The following RAB22A variants were observed in gnomAD, a reference collection of about 807,000 sequenced individuals.
RAB22A encodes the protein RAB22A, member RAS oncogene family, also known as ras-related protein Rab-22A.
In RAB22A, 13 loss-of-function variants were observed where a neutral mutation model predicts 30.2. The observed-to-expected ratio is 0.43, with a 90% CI of 0.28 to 0.68. RAB22A has a LOEUF of 0.68. RAB22A is among the 30% of genes least tolerant of loss of function. The probability of loss-of-function intolerance (pLI) is 0.18; values close to 1 mark genes in which losing one functional copy is unlikely to be tolerated. For missense variants in RAB22A, 177 were observed against 246.8 expected (o/e 0.72, Z 1.89); for synonymous variants, 89 against 87.2 (o/e 1.02, Z -0.11).
In RAB22A at chr20:58,354,239, A is replaced by G; in HGVS notation, c.461A>G (p.Asn154Ser). 5 of 1,612,962 alleles carry G rather than the reference A, an allele frequency of 3.1e-6. No individual in the cohort carries two copies. The highest frequency in any genetic ancestry group is 1.7e-6 in the Non-Finnish European group (2 of 1,179,112). ...FVETSAKNAI[N>S]INELFIEISR... The stretch of plus-strand genomic sequence containing the variant: ...GAGACCAGCGCAAAAAACGCGATAA[A>G]CATAAATGAACTCTTTATAGAAATT... The change falls in exon 6 of 7, where the codon AAC (asparagine) becomes AGC (serine). Residue 154 changes from asparagine (N) to serine (S), a missense_variant. Coordinates refer to ENST00000244040, the MANE Select transcript of RAB22A (RefSeq NM_020673.3).
rs1409145293 is a variant in RAB22A at position 58,364,542 on chromosome 20, A to C, written c.*4839A>C. On this transcript the variant is annotated 3_prime_UTR_variant, in exon 7 of 7. Transcript: ENST00000244040. ...TATCATTAGTATATGGTGAAATTAA[A>C]ACCGTGGTGTCTAACAGATTTAACA... 6.6e-6 allele frequency: 1 copy of C among 152,164 alleles called. No homozygotes were observed. Among genetic ancestry groups the C allele is most frequent in the Non-Finnish European group, 1.5e-5 (1 of 68,026 alleles). 9.4% of individuals were successfully genotyped at this position (152,164 alleles called of 1,614,324 possible).
At chr20:58,313,362 G>A (rs1438388991) in intron 2 of RAB22A, among the ~76,000 whole-genome samples, 2 of 151,990 alleles carry the variant, frequency 1.3e-5, no homozygotes, top group Non-Finnish European at 2.9e-5. Context: ...TTAGAAGGTG[G>A]CTTCCTCCTT....
intron 2 of RAB22A, among the ~76,000 whole-genome samples, chr20:58,331,194 C>T (rs777967747): frequency 2.6e-5 from 4 of 152,200 alleles, no homozygotes; most frequent in Non-Finnish European, 5.9e-5. Context: ...TCTCCCCCCT[C>T]TAAATATTGG....
chr20:58,328,733 C>T (rs1986610431), intron 2 of RAB22A, among the ~76,000 whole-genome samples: 1 of 152,012 alleles, frequency 6.6e-6, no homozygotes, highest in African/African-American at 2.4e-5. Context: ...GGCTTTGATA[C>T]ACTGCTCTGG....
At chr20:58,325,439 T>C (rs1310408343) in intron 2 of RAB22A, among the ~76,000 whole-genome samples, 1 of 152,150 alleles carries the variant, frequency 6.6e-6, no homozygotes, top group East Asian at 1.9e-4. Flanking sequence ...ATGGCGCCAC[T>C]GCACTGCAGC....
intron 2 of RAB22A, among the ~76,000 whole-genome samples, chr20:58,335,080 T>TA (rs1212263709): frequency 2.6e-5 from 4 of 152,148 alleles, no homozygotes; most frequent in Admixed American, 6.5e-5. Flanking sequence ...CATCTGGCAA[T>TA]AAAAAAACAC....
intron 6 of RAB22A, among the ~76,000 whole-genome samples, chr20:58,354,615 T>A (rs1276874810): frequency 6.6e-6 from 1 of 152,210 alleles, no homozygotes; most frequent in Admixed American, 6.5e-5. Context: ...GCAGGTATAC[T>A]TGCACGGTAA....
intron 2 of RAB22A, among the ~76,000 whole-genome samples, chr20:58,314,006 A>C (rs1240777854): frequency 6.6e-6 from 1 of 152,080 alleles, no homozygotes; most frequent in Non-Finnish European, 1.5e-5. Flanking sequence ...CCTTACCTAC[A>C]AGAAGCTACA....
chr20:58,354,934 T>C (rs189283225), intron 6 of RAB22A, among the ~76,000 whole-genome samples: 23 of 152,344 alleles, frequency 1.5e-4, no homozygotes, highest in Non-Finnish European at 2.9e-4. Flanking sequence ...TAGGATCATT[T>C]CAGATCATAA....
At chr20:58,332,822 T>C (rs1466016463) in intron 2 of RAB22A, among the ~76,000 whole-genome samples, 1 of 151,982 alleles carries the variant, frequency 6.6e-6, no homozygotes, top group Non-Finnish European at 1.5e-5. Flanking sequence ...ATAGTCAAAC[T>C]GCTGATAACC....
At chr20:58,312,111 A>G (rs1473662319) in intron 2 of RAB22A, among the ~76,000 whole-genome samples, 1 of 151,918 alleles carries the variant, frequency 6.6e-6, no homozygotes, top group Non-Finnish European at 1.5e-5. Context: ...GCCCACCACC[A>G]TGCCCAGCTA....
chr20:58,353,307 C>T lies in RAB22A; in HGVS notation c.233C>T (p.Ser78Leu), dbSNP rs1360510962. The T allele has an allele frequency of 6.2e-7, 1 of 1,613,942 alleles. No individual in the cohort carries two copies. Among genetic ancestry groups the T allele is most frequent in the Non-Finnish European group, 8.5e-7 (1 of 1,179,986 alleles). Residue 78 changes from serine (S) to leucine (L), a missense_variant, in exon 4 of 7, where the codon TCG (serine) becomes TTG (leucine). By Grantham distance (145) the Ser-to-Leu change is moderately radical (BLOSUM62 -2). Coordinates refer to ENST00000244040, the MANE Select transcript of RAB22A (RefSeq NM_020673.3). The stretch of plus-strand genomic sequence containing the variant: ...TTAGCACCAATGTACTATCGAGGGT[C>T]GGCTGCAGCTATAATCGTTTATGAT... ...RALAPMYYRGSAAAIIVYDIT... is the reference protein window; with the variant it reads ...RALAPMYYRGLAAAIIVYDIT...
intron 2 of RAB22A, among the ~76,000 whole-genome samples, chr20:58,341,073 C>T (rs1452298880): frequency 1.3e-5 from 2 of 152,164 alleles, no homozygotes; most frequent in Non-Finnish European, 2.9e-5. Context: ...CAGCAAAAGT[C>T]AGAAAAATGG....
At position 58,365,038 on chromosome 20, in the gene RAB22A, A is replaced by G. The variant is rs938568073; in HGVS notation, c.*5335A>G. On this transcript the variant is annotated 3_prime_UTR_variant, in exon 7 of 7. Transcript: ENST00000244040. The stretch of plus-strand genomic sequence containing the variant: ...ACGTGAGCCACCGCGCCCAACCAGT[A>G]ACGATTTTTTTAAAGGGCCTTTCTT... The G allele has an allele frequency of 6.6e-6, 1 of 152,236 alleles. No individual in the cohort carries two copies. 9.4% of individuals were successfully genotyped at this position (152,236 alleles called of 1,614,324 possible).
chr20:58,358,895 CAAAAAAA>C (rs1181619167), intron 6 of RAB22A, among the ~76,000 whole-genome samples: 3 of 92,266 alleles, frequency 3.3e-5, no homozygotes, highest in African/African-American at 1.2e-4. Context: ...TAGCCTGTCT[CAAAAAAA>C]AAAAAAAAAA....
chr20:58,341,523 CTT>C (rs1302019982), intron 2 of RAB22A, among the ~76,000 whole-genome samples: 2 of 151,940 alleles, frequency 1.3e-5, no homozygotes, highest in Non-Finnish European at 2.9e-5. Flanking sequence ...ACAGCAGAGA[CTT>C]AGACCCAAGA....
intron 2 of RAB22A, among the ~76,000 whole-genome samples, chr20:58,317,071 A>G (rs973887045): frequency 1.8e-4 from 28 of 152,146 alleles, no homozygotes; most frequent in African/African-American, 6.0e-4. Flanking sequence ...GCCACTTGCT[A>G]GCTAGTTAAC....
Position 58,344,162 on chromosome 20 carries a change from C to T in RAB22A, c.198+363C>T, listed in dbSNP as rs146899611. ...TAGAAAGGGTGAGTTAAGCACAACTCATTTATCGCTGCCTTTTAAAAGCTA... is the reference window on the plus strand; with the variant it reads ...TAGAAAGGGTGAGTTAAGCACAACTTATTTATCGCTGCCTTTTAAAAGCTA... On this transcript the variant is annotated intron_variant, in intron 3 of 6. Coordinates refer to ENST00000244040, the MANE Select transcript of RAB22A (RefSeq NM_020673.3). 8.5e-3 allele frequency among the ~76,000 whole-genome samples: 1,298 copies of T among 152,284 alleles called. 26 individuals are homozygous for T. The highest frequency in any genetic ancestry group is 0.013 in the Non-Finnish European group (878 of 68,028).
chr20:58,325,010 A>G (rs1986538127), intron 2 of RAB22A, among the ~76,000 whole-genome samples: 1 of 146,244 alleles, frequency 6.8e-6, no homozygotes, highest in Non-Finnish European at 1.5e-5. Flanking sequence ...CCCCGTCTCT[A>G]CTAAAAATAC....
Sources: allele counts gnomAD v4.1 joint callset (sites outside exome capture counted in the v4.1 genomes callset), GRCh38; gene constraint gnomAD v4.1.1; transcripts MANE v1.5; gene names NCBI Gene and HGNC (gene_info 2026-07-23, HGNC 2026-07-21).